Variants in BRCA1 observed in about 807,000 individuals in gnomAD.
The protein encoded by BRCA1 is breast cancer type 1 susceptibility protein.
Under a neutral mutation model 173.7 loss-of-function variants are expected in BRCA1, and 140 were observed. The ratio of observed to expected loss-of-function variants is 0.81; its 90% CI spans 0.70 to 0.93. BRCA1 has a LOEUF of 0.93. Ranked by LOEUF, BRCA1 falls within the 40% of genes least tolerant of loss-of-function variation. The pLI, the probability that BRCA1 is intolerant of heterozygous loss-of-function variation, is 0.00. For synonymous variants in BRCA1, 662 were observed against 756.0 expected (o/e 0.88, Z 2.04); for missense variants, 1,983 against 2,172.5 (o/e 0.91, Z 1.73).
chr17:43,058,788 C>T (rs1291057189), intron 18 of BRCA1, among the ~76,000 whole-genome samples: 2 of 152,094 alleles, frequency 1.3e-5, no homozygotes, highest in African/African-American at 4.8e-5. Context: ...ATAAAATATA[C>T]ATTCAATGCA....
upstream of BRCA1, among the ~76,000 whole-genome samples, chr17:43,127,818 A>C (rs906741733): frequency 2.6e-5 from 4 of 151,968 alleles, no homozygotes; most frequent in African/African-American, 9.7e-5. Flanking sequence ...AGGTCAAGAG[A>C]TCGAGACCAT....
rs1060502343 is a variant in BRCA1, at chr17:43,104,922, C to T, written c.247G>A (p.Val83Ile). Residue 83 changes from valine to isoleucine, a missense_variant, in exon 5 of 23, where the codon GTT becomes ATT. By Grantham distance (29) the Val-to-Ile change is conservative. Transcript: ENST00000357654. ...CAAATGATTTTCAATAGCTCTTCAA[C>T]AAGTTGACTAAATCTCGTACTTTCT... is the stretch of plus-strand genomic sequence containing the variant. ...LQESTRFSQLVEELLKIICAF... is the reference protein window; with the variant it reads ...LQESTRFSQLIEELLKIICAF... The T allele has an allele frequency of 3.7e-6, 6 of 1,613,902 alleles. No individual in the cohort carries two copies. The highest frequency in any genetic ancestry group is 5.1e-6 in the Non-Finnish European group (6 of 1,179,974).
chr17:43,128,822 T>TG (rs897696365), upstream of BRCA1, among the ~76,000 whole-genome samples: 1 of 151,764 alleles, frequency 6.6e-6, no homozygotes, highest in African/African-American at 2.4e-5. Context: ...CCACACTTTT[T>TG]TTTTTTTTTT....
chr17:43,117,328 GC>G (rs1209092165), intron 2 of BRCA1, among the ~76,000 whole-genome samples: 1 of 152,152 alleles, frequency 6.6e-6, no homozygotes, highest in African/African-American at 2.4e-5. Context: ...TGTGGTCTCA[GC>G]TACTTTGGAG....
chr17:43,071,847 CA>C (rs965497078), intron 14 of BRCA1, among the ~76,000 whole-genome samples: 62 of 143,102 alleles, frequency 4.3e-4, no homozygotes, highest in East Asian at 4.1e-4. Context: ...ACTGAAAATA[CA>C]AAAAAAAAAA....
chr17:43,158,992 T>C (rs1303867922), intron 1 of BRCA1, among the ~76,000 whole-genome samples: 1 of 152,144 alleles, frequency 6.6e-6, no homozygotes, highest in African/African-American at 2.4e-5. Flanking sequence ...TCCCAGCACT[T>C]TGAGAGGCCA....
chr17:43,125,595 C>T (rs534528346), upstream of BRCA1: 3 of 301,614 alleles, frequency 9.9e-6, no homozygotes, highest in African/African-American at 4.4e-5. Flanking sequence ...AGGAAGAATT[C>T]TACCTGAGTT....
In BRCA1 at chr17:43,085,556, A is replaced by G. The variant is rs2053197430; in HGVS notation, c.4186-2981T>C. Among the ~76,000 whole-genome samples the G allele has an allele frequency of 2.0e-5, 3 of 152,186 alleles. No individual in the cohort carries two copies. In the South Asian group the frequency reaches 6.2e-4, roughly 32 times the overall value. ...CACACAAGTTGTTTTCCTATAACACATGACAACTTTACGTTTCCTGGGAAT... is the reference window on the plus strand; with the variant it reads ...CACACAAGTTGTTTTCCTATAACACGTGACAACTTTACGTTTCCTGGGAAT... On this transcript the variant is annotated intron_variant, in intron 11 of 22. Coordinates refer to ENST00000357654, the MANE Select transcript of BRCA1 (RefSeq NM_007294.4).
Position 43,064,177 on chromosome 17 carries a change from A to G in BRCA1, c.5075-226T>C, listed in dbSNP as rs1714844952. ...GAGGCTGATATGAAGTTAAGACCAGAGGAAATATCTGTCCACTCCCTCTTC... is the reference window on the plus strand; with the variant it reads ...GAGGCTGATATGAAGTTAAGACCAGGGGAAATATCTGTCCACTCCCTCTTC... On this transcript the variant is annotated intron_variant, in intron 16 of 22. Coordinates refer to ENST00000357654, the MANE Select transcript of BRCA1 (RefSeq NM_007294.4). Among the ~76,000 whole-genome samples, 2 of 152,222 alleles carry G rather than the reference A, an allele frequency of 1.3e-5. 1 individual carries two copies. The highest frequency in any genetic ancestry group is 4.1e-4 in the South Asian group (2 of 4,826).
chr17:43,102,936 G>A (rs950973051), intron 6 of BRCA1, among the ~76,000 whole-genome samples: 3 of 148,266 alleles, frequency 2.0e-5, no homozygotes, highest in African/African-American at 4.9e-5. Flanking sequence ...CGTGAGCCAC[G>A]GCACCCAGCT....
chr17:43,088,363 T>C (rs2053311280), intron 11 of BRCA1, among the ~76,000 whole-genome samples: 4 of 151,982 alleles, frequency 2.6e-5, no homozygotes, highest in Admixed American at 2.0e-4. Flanking sequence ...ATCCTATGAA[T>C]TTATCTTTTT....
At chr17:43,108,031 A>G (rs1253238208) in intron 3 of BRCA1, among the ~76,000 whole-genome samples, 1 of 152,136 alleles carries the variant, frequency 6.6e-6, no homozygotes, top group African/African-American at 2.4e-5. Flanking sequence ...CCAGGAAAGA[A>G]AAGATTAAGG....
rs756499058 is a variant in BRCA1 at position 43,104,914 on chromosome 17, C to A, written c.255G>T (p.Glu85Asp). 6.2e-7 allele frequency: 1 copy of A among 1,613,856 alleles called. No individual in the cohort carries two copies. The highest frequency in any genetic ancestry group is 8.5e-7 in the Non-Finnish European group (1 of 1,180,000). ...ESTRFSQLVEELLKIICAFQL... is the reference protein window; with the variant it reads ...ESTRFSQLVEDLLKIICAFQL... ...GAAAAGCACAAATGATTTTCAATAG[C>A]TCTTCAACAAGTTGACTAAATCTCG... The change falls in exon 5 of 23, where the codon GAG becomes GAT. Residue 85 changes from glutamate to aspartate, a missense_variant. Transcript: ENST00000357654.
chr17:43,089,610 T>C (rs745776983), intron 11 of BRCA1, among the ~76,000 whole-genome samples: 8 of 150,938 alleles, frequency 5.3e-5, no homozygotes, highest in Non-Finnish European at 7.4e-5. Context: ...AGCAGCAGCA[T>C]GATCTCAGCT....
intron 18 of BRCA1, among the ~76,000 whole-genome samples, chr17:43,060,246 G>C (rs2051688938): frequency 6.6e-6 from 1 of 152,014 alleles, no homozygotes; most frequent in Non-Finnish European, 1.5e-5. Context: ...GCAAATTTTT[G>C]TATTTTTAGT....
At chr17:43,123,317 T>C (rs1163041230) in intron 2 of BRCA1, among the ~76,000 whole-genome samples, 1 of 149,528 alleles carries the variant, frequency 6.7e-6, no homozygotes, top group Non-Finnish European at 1.5e-5. Context: ...TTCTTCCAAA[T>C]ACCTATCCTC....
intron 2 of BRCA1, among the ~76,000 whole-genome samples, chr17:43,123,326 T>C (rs200692583): frequency 1.4e-5 from 2 of 144,804 alleles, no homozygotes; most frequent in Admixed American, 7.0e-5. Flanking sequence ...ATACCTATCC[T>C]CTCAACGACA....
rs771092891 is a variant in BRCA1 at position 43,051,149 on chromosome 17, G to A, written c.5278-32C>T. ...GAAGAGAGGAAGAGAGAGGGACAGG[G>A]GAATGGAGAGAAGGAAAATCTAGTT... On this transcript the variant is annotated intron_variant, in intron 19 of 22. Coordinates refer to ENST00000357654, the MANE Select transcript of BRCA1 (RefSeq NM_007294.4). The A allele has an allele frequency of 2.5e-6, 4 of 1,587,804 alleles. No individual in the cohort carries two copies. In the East Asian group the frequency reaches 8.9e-5, roughly 35 times the overall value.
At position 43,063,404 on chromosome 17, in the gene BRCA1, T is replaced by A. The variant is rs370536578; in HGVS notation, c.5153-31A>T. On this transcript the variant is annotated intron_variant, in intron 17 of 22. Coordinates refer to ENST00000357654, the MANE Select transcript of BRCA1 (RefSeq NM_007294.4). ...GAGATCATAGAAAAGACAGGTTACA[T>A]ACAGCAGAAGAACGTGCTCTTTTCA... is the stretch of plus-strand genomic sequence containing the variant. 15 of 1,583,224 alleles carry A rather than the reference T, an allele frequency of 9.5e-6. No individual in the cohort carries two copies. In the East Asian group the frequency reaches 3.4e-4, roughly 35 times the overall value.
Sources: allele counts gnomAD v4.1 joint callset (sites outside exome capture counted in the v4.1 genomes callset), GRCh38; gene constraint gnomAD v4.1.1; transcripts MANE v1.5; gene names NCBI Gene and HGNC (gene_info 2026-07-23, HGNC 2026-07-21).